Variants in HEMK2 observed in about 807,000 individuals in gnomAD.
HEMK2 encodes methyltransferase HEMK2.
the HEMK2 span, among the ~76,000 whole-genome samples, chr21:28,799,837 G>T: frequency 2.0e-5 from 3 of 152,032 alleles, no homozygotes; most frequent in Non-Finnish European, 4.4e-5. Context: ...CCATATTTTT[G>T]ATCAGGTAAA....
the HEMK2 span, among the ~76,000 whole-genome samples, chr21:28,750,490 G>A: frequency 2.0e-5 from 3 of 152,168 alleles, 1 homozygote; most frequent in African/African-American, 7.2e-5. Flanking sequence ...CTTGAGGCCA[G>A]GAGTTCGAGA....
At chr21:28,806,065 A>G in the HEMK2 span, among the ~76,000 whole-genome samples, 1 of 152,216 alleles carries the variant, frequency 6.6e-6, no homozygotes, top group African/African-American at 2.4e-5. Context: ...ATCCAGAAAC[A>G]TGAGTCAGCT....
chr21:28,620,860 G>T, the HEMK2 span, among the ~76,000 whole-genome samples: 1 of 151,334 alleles, frequency 6.6e-6, no homozygotes, highest in Non-Finnish European at 1.5e-5. Context: ...TTTTAGTAGA[G>T]ACAGGGTTTC....
the HEMK2 span, among the ~76,000 whole-genome samples, chr21:28,685,158 T>C: frequency 6.6e-6 from 1 of 152,184 alleles, no homozygotes. Context: ...GACTTCAGAA[T>C]ATAGTTAGTG....
chr21:28,717,467 A>G, the HEMK2 span, among the ~76,000 whole-genome samples: 2 of 143,326 alleles, frequency 1.4e-5, no homozygotes, highest in Admixed American at 1.4e-4. Flanking sequence ...ATCAGTTGTA[A>G]TGTCATTTTA....
the HEMK2 span, among the ~76,000 whole-genome samples, chr21:28,586,999 T>C: frequency 6.6e-6 from 1 of 152,182 alleles, no homozygotes; most frequent in African/African-American, 2.4e-5. Flanking sequence ...CATAGCAGCA[T>C]CTGTATATTT....
At chr21:28,707,929 T>C in the HEMK2 span, among the ~76,000 whole-genome samples, 1 of 152,172 alleles carries the variant, frequency 6.6e-6, no homozygotes, top group African/African-American at 2.4e-5. Context: ...AATATAGTTA[T>C]AGAATGCAGC....
the HEMK2 span, among the ~76,000 whole-genome samples, chr21:28,796,044 A>AT: frequency 6.6e-6 from 1 of 152,166 alleles, no homozygotes; most frequent in Non-Finnish European, 1.5e-5. Context: ...AACAAATGAG[A>AT]TTTTTTATAC....
At chr21:28,601,469 A>C in the HEMK2 span, among the ~76,000 whole-genome samples, 1 of 152,046 alleles carries the variant, frequency 6.6e-6, no homozygotes, top group Non-Finnish European at 1.5e-5. Context: ...CTCAAATGTA[A>C]TCCTCCAGTC....
the HEMK2 span, among the ~76,000 whole-genome samples, chr21:28,837,414 T>A: frequency 6.6e-6 from 1 of 152,044 alleles, no homozygotes; most frequent in Non-Finnish European, 1.5e-5. Flanking sequence ...AGCAAACACA[T>A]GGAAATTAAA....
the HEMK2 span, among the ~76,000 whole-genome samples, chr21:28,694,258 G>C: frequency 1.3e-3 from 193 of 152,224 alleles, 1 homozygote; most frequent in African/African-American, 4.4e-3. Context: ...ATAAATAGTA[G>C]ACTACCCAAC....
At chr21:28,863,357 G>A in the HEMK2 span, among the ~76,000 whole-genome samples, 5 of 138,544 alleles carry the variant, frequency 3.6e-5, no homozygotes, top group African/African-American at 1.1e-4. Flanking sequence ...GCCTGCAGAC[G>A]GCTTATTGTA....
At chr21:28,743,324 T>C in the HEMK2 span, 18 of 152,312 alleles carry the variant, frequency 1.2e-4, no homozygotes, top group African/African-American at 4.3e-4. Flanking sequence ...TAAGGGGATG[T>C]GTACATTTGC....
At chr21:28,786,633 T>C in the HEMK2 span, among the ~76,000 whole-genome samples, 1 of 148,520 alleles carries the variant, frequency 6.7e-6, no homozygotes, top group East Asian at 2.0e-4. Flanking sequence ...ATTGTGCCAC[T>C]GCACTCCAGC....
At chr21:28,717,480 C>CTTTTTTTTTTTTT in the HEMK2 span, among the ~76,000 whole-genome samples, 3 of 117,324 alleles carry the variant, frequency 2.6e-5, 1 homozygote, top group African/African-American at 7.0e-5. Context: ...TCATTTTAGT[C>CTTTTTTTTTTTTT]TTTTTTTTTT....
chr21:28,885,319 C>T, the HEMK2 span: 12 of 1,587,366 alleles, frequency 7.6e-6, no homozygotes, highest in South Asian at 1.1e-4. Flanking sequence ...GCCCGTGGAA[C>T]GGCGTAGCGA....
chr21:28,621,078 T>TATC, the HEMK2 span, among the ~76,000 whole-genome samples: 1 of 151,964 alleles, frequency 6.6e-6, no homozygotes, highest in Non-Finnish European at 1.5e-5. Flanking sequence ...TTTGTGTGTC[T>TATC]ATCTTAGTTA....
the HEMK2 span, among the ~76,000 whole-genome samples, chr21:28,759,197 A>G: frequency 6.6e-6 from 1 of 152,204 alleles, no homozygotes; most frequent in African/African-American, 2.4e-5. Flanking sequence ...CAGCATTTTC[A>G]TCTTGCACTG....
the HEMK2 span, among the ~76,000 whole-genome samples, chr21:28,662,069 GC>G: frequency 6.6e-6 from 1 of 152,062 alleles, no homozygotes; most frequent in Non-Finnish European, 1.5e-5. Flanking sequence ...ACTGGGTGAA[GC>G]AACTGTCATC....
Sources: gnomAD v4.1 joint callset for allele counts (sites outside exome capture counted in the v4.1 genomes callset) on GRCh38, gnomAD v4.1.1 for gene constraint, MANE v1.5 for transcripts, NCBI Gene and HGNC (gene_info 2026-07-23, HGNC 2026-07-21) for gene names.